AGR3: variants seen among roughly 807,000 people sequenced by gnomAD.
The protein encoded by AGR3 is anterior gradient protein 3.
A neutral mutation model predicts 24.5 loss-of-function variants in AGR3; 37 were observed. That is an observed-to-expected ratio of 1.51 (90% CI 1.16 to 1.99). AGR3 has a LOEUF of 1.99. Among genes scored for constraint, AGR3 ranks in the 30% most tolerant of loss-of-function variants. The pLI is 0.00. For synonymous variants in AGR3, 75 were observed against 61.6 expected (o/e 1.22, Z -1.02); for missense variants, 228 against 191.1 (o/e 1.19, Z -1.14).
chr7:16,870,737 G>A (rs1251539181), intron 3 of AGR3, among the ~76,000 whole-genome samples: 1 of 152,006 alleles, frequency 6.6e-6, no homozygotes, highest in African/African-American at 2.4e-5. Context: ...GGCATTCCCA[G>A]GCTAAATCTC....
At chr7:16,880,473 C>A (rs1368345080) in intron 1 of AGR3, among the ~76,000 whole-genome samples, 1 of 39,422 alleles carries the variant, frequency 2.5e-5, no homozygotes, top group Non-Finnish European at 6.4e-5. Context: ...CTTTCCTCTC[C>A]CCTCCTTTCC....
intron 3 of AGR3, chr7:16,865,185 G>GC: frequency 1.3e-6 from 1 of 749,580 alleles, no homozygotes; most frequent in Non-Finnish European, 2.4e-6. Context: ...AACCCTATCA[G>GC]TTTTTTTTCT....
At chr7:16,864,272 C>T (rs562364458) in intron 3 of AGR3, 17 of 1,339,046 alleles carry the variant, frequency 1.3e-5, no homozygotes, top group Non-Finnish European at 1.6e-5. Context: ...TTCTATGTCC[C>T]ATCACTCTCA....
At chr7:16,865,672 A>C in intron 3 of AGR3, 1 of 802,508 alleles carries the variant, frequency 1.2e-6, no homozygotes, top group Non-Finnish European at 2.3e-6. Context: ...GATGATCTCC[A>C]AGCATTTGTA....
chr7:16,865,055 C>A, intron 3 of AGR3: 1 of 791,926 alleles, frequency 1.3e-6, no homozygotes, highest in South Asian at 1.4e-5. Flanking sequence ...GAGAGGGCAA[C>A]CAAGATGAGT....
chr7:16,870,810 G>C (rs976816462), intron 3 of AGR3, among the ~76,000 whole-genome samples: 10 of 151,928 alleles, frequency 6.6e-5, no homozygotes, highest in African/African-American at 2.4e-4. Flanking sequence ...TTGTTTGTTT[G>C]TTACACCGAT....
intron 3 of AGR3, among the ~76,000 whole-genome samples, chr7:16,870,699 A>G (rs1201683741): frequency 1.3e-5 from 2 of 152,184 alleles, no homozygotes; most frequent in Non-Finnish European, 2.9e-5. Context: ...TATTTTAATT[A>G]GTACATTTCT....
At chr7:16,860,358 G>GA (rs1781616701) in intron 7 of AGR3, 142 bp downstream of exon 7, 1 of 600,234 alleles carries the variant, frequency 1.7e-6, no homozygotes, top group Non-Finnish European at 3.0e-6. Context: ...GATTTTGGTG[G>GA]GAGCTAGAAG....
At chr7:16,877,586 G>A (rs183878057) in intron 2 of AGR3, among the ~76,000 whole-genome samples, 2,778 of 151,574 alleles carry the variant, frequency 0.018, 81 homozygotes, top group African/African-American at 0.063. Flanking sequence ...TTTCTTGGCC[G>A]GGCGCGGTGG....
downstream of AGR3, among the ~76,000 whole-genome samples, chr7:16,859,142 A>C (rs138465710): frequency 5.9e-5 from 9 of 152,090 alleles, no homozygotes; most frequent in East Asian, 1.8e-3. Context: ...TCAGGCCTAT[A>C]ATCTCAGCAC....
At chr7:16,855,688 T>C (rs984959169), downstream of AGR3, among the ~76,000 whole-genome samples, 1 of 152,198 alleles carries the variant, frequency 6.6e-6, no homozygotes, top group Admixed American at 6.5e-5. Flanking sequence ...AAAGAATGCT[T>C]ATCTTTCTTT....
chr7:16,864,366 A>G (rs1025359783), intron 3 of AGR3: 9 of 1,315,988 alleles, frequency 6.8e-6, no homozygotes, highest in Non-Finnish European at 9.9e-6. Context: ...CACTGGCACT[A>G]TTCTGACTCA....
intron 2 of AGR3, among the ~76,000 whole-genome samples, chr7:16,876,304 G>A (rs1781985692): frequency 6.6e-6 from 1 of 151,990 alleles, no homozygotes; most frequent in Non-Finnish European, 1.5e-5. Flanking sequence ...CTTGTCTTTT[G>A]AGATTTTATT....
chr7:16,864,387 C>A (rs75934465), intron 3 of AGR3: 8 of 1,299,758 alleles, frequency 6.2e-6, no homozygotes, highest in Admixed American at 3.4e-5. Flanking sequence ...GAGGAAGAGA[C>A]CAGGTTTCCA....
chr7:16,864,816 A>T (rs1781722442), intron 3 of AGR3: 1 of 893,334 alleles, frequency 1.1e-6, no homozygotes, highest in Non-Finnish European at 1.9e-6. Flanking sequence ...CACCTCTTGT[A>T]GCTATAGATG....
downstream of AGR3, among the ~76,000 whole-genome samples, chr7:16,856,139 C>T (rs1190009144): frequency 2.6e-5 from 4 of 152,174 alleles, no homozygotes; most frequent in South Asian, 2.1e-4. Context: ...AGTGATATAT[C>T]GTACCACTAG....
intron 3 of AGR3, among the ~76,000 whole-genome samples, chr7:16,868,921 A>C (rs2471907): frequency 0.31 from 47,145 of 152,096 alleles, 7,857 homozygotes; most frequent in Middle Eastern, 0.41. Context: ...AAGATAGTTG[A>C]TATAATTTAA....
At chr7:16,856,691 A>G (rs1165292069), downstream of AGR3, among the ~76,000 whole-genome samples, 2 of 152,148 alleles carry the variant, frequency 1.3e-5, no homozygotes, top group African/African-American at 4.8e-5. Context: ...TGTGCATACT[A>G]TTTCAGGTAG....
At chr7:16,865,339 C>T (rs113594683) in intron 3 of AGR3, 29 of 1,153,342 alleles carry the variant, frequency 2.5e-5, no homozygotes, top group African/African-American at 1.2e-4. Flanking sequence ...TGACAGAGCA[C>T]CTCTAGAGAA....
Sources: gnomAD v4.1 joint callset for allele counts (sites outside exome capture counted in the v4.1 genomes callset) on GRCh38, gnomAD v4.1.1 for gene constraint, MANE v1.5 for transcripts, NCBI Gene and HGNC (gene_info 2026-07-23, HGNC 2026-07-21) for gene names.